The following ZNF133 variants were observed in gnomAD, a reference collection of about 807,000 sequenced individuals.
ZNF133 encodes the protein zinc finger protein 133.
In ZNF133, 26 loss-of-function variants were observed where a neutral mutation model predicts 54.9. The observed-to-expected ratio is 0.47, with a 90% CI of 0.35 to 0.66. The LOEUF (loss-of-function observed/expected upper bound fraction) is 0.66, where lower values mean the gene tolerates loss of function less well. Ranked by LOEUF, ZNF133 falls within the 30% of genes least tolerant of loss-of-function variation. ZNF133 has a pLI of 0.01. For missense variants in ZNF133, 653 were observed against 820.8 expected, an observed-to-expected ratio of 0.80 and a Z score of 2.50; for synonymous variants, 298 against 320.3, an observed-to-expected ratio of 0.93 and a Z score of 0.74.
At chr20:18,302,052 C>A (rs1165980280) in intron 3 of ZNF133, among the ~76,000 whole-genome samples, 19 of 152,124 alleles carry the variant, frequency 1.2e-4, no homozygotes, top group Admixed American at 1.2e-3. Context: ...GAATTATACA[C>A]CATGACCAAG....
chr20:18,292,111 C>A (rs1349133291), intron 1 of ZNF133, among the ~76,000 whole-genome samples: 4 of 152,200 alleles, frequency 2.6e-5, no homozygotes, highest in Admixed American at 6.5e-5. Flanking sequence ...AGTTTCCATG[C>A]CCTGCTGTTT....
intron 1 of ZNF133, among the ~76,000 whole-genome samples, chr20:18,297,251 G>T (rs1420265258): frequency 6.6e-6 from 1 of 151,714 alleles, no homozygotes; most frequent in Non-Finnish European, 1.5e-5. Flanking sequence ...ATTACTAAGT[G>T]CTCGTCATGT....
At chr20:18,309,296 T>C (rs986101910) in intron 6 of ZNF133, among the ~76,000 whole-genome samples, 3 of 152,176 alleles carry the variant, frequency 2.0e-5, no homozygotes, top group Non-Finnish European at 2.9e-5. Flanking sequence ...GAGAGCACCA[T>C]AGTGATTTCA....
chr20:18,289,179 C>G (rs1338134232), intron 1 of ZNF133, among the ~76,000 whole-genome samples: 1 of 152,152 alleles, frequency 6.6e-6, no homozygotes, highest in African/African-American at 2.4e-5. Flanking sequence ...GCCATTTTGC[C>G]GCGATCTTAG....
intron 6 of ZNF133, chr20:18,310,368 A>G (rs2045612967): frequency 6.8e-7 from 1 of 1,466,304 alleles, no homozygotes; most frequent in South Asian, 1.4e-5. Flanking sequence ...TAAGACAGGC[A>G]ATATCAGAAT....
At chr20:18,304,885 C>A in intron 3 of ZNF133, 123 bp from the exon 4 acceptor site, 1 of 615,184 alleles carries the variant, frequency 1.6e-6, no homozygotes, top group Non-Finnish European at 2.0e-6. Context: ...TGTCCTTGTC[C>A]CTGCTCCCCA....
In ZNF133 at chr20:18,305,079, T is replaced by G. The variant is rs1414724268; in HGVS notation, c.-106T>G. On this transcript the variant is annotated 5_prime_UTR_variant, in exon 4 of 7. It removes an upstream start codon present in the reference 5' UTR. Coordinates refer to ENST00000425686, the MANE Select transcript of ZNF133 (RefSeq NM_001352452.2). This position sits in a 1 kb window ranked among gnomAD's most constrained non-coding sequence, Gnocchi z 4.7. ...ACTGGGCAGGGGCATGAGAATAGGA[T>G]GCAAAGATGAATTTTTGGACTGAGT... The G allele has an allele frequency of 1.0e-6, 1 of 985,618 alleles. No homozygotes were observed. Among genetic ancestry groups the G allele is most frequent in the Non-Finnish European group, 1.2e-6 (1 of 830,118 alleles). The allele number at this position is 985,618 out of a possible 1,614,324, so 61.1% of individuals were successfully genotyped here. A position where few individuals can be genotyped will look rare whatever the true frequency, so the allele number is the denominator to read the frequency against.
chr20:18,297,305 C>T (rs534356220), intron 1 of ZNF133, among the ~76,000 whole-genome samples: 1 of 151,962 alleles, frequency 6.6e-6, no homozygotes, highest in East Asian at 1.9e-4. Context: ...ATAAGTTTGT[C>T]TTCATTTATC....
intron 1 of ZNF133, among the ~76,000 whole-genome samples, chr20:18,292,515 C>T (rs184516056): frequency 6.6e-6 from 1 of 152,304 alleles, no homozygotes; most frequent in African/African-American, 2.4e-5. Flanking sequence ...TCCCTGGGCT[C>T]TTCACATCCT....
intron 6 of ZNF133, chr20:18,306,732 GA>G: frequency 7.4e-7 from 1 of 1,345,880 alleles, no homozygotes; most frequent in Non-Finnish European, 9.8e-7. Context: ...AAACAACTGT[GA>G]CCTACAGAAA....
intron 6 of ZNF133, chr20:18,306,714 G>C: frequency 1.5e-6 from 2 of 1,351,172 alleles, no homozygotes; most frequent in Non-Finnish European, 2.0e-6. Flanking sequence ...AGATCATCAA[G>C]AATATGGAAA....
Position 18,316,345 on chromosome 20 carries a change from G to C in ZNF133, c.1494G>C (p.Glu498Asp), listed in dbSNP as rs778827865. 1 of 1,613,518 alleles carries C rather than the reference G, an allele frequency of 6.2e-7. No individual in the cohort carries two copies. The highest frequency in any genetic ancestry group is 1.1e-5 in the South Asian group (1 of 91,042). The change falls in exon 7 of 7, where the codon GAG (glutamate) becomes GAC (aspartate). Residue 498 changes from glutamate to aspartate, a missense_variant. Coordinates refer to ENST00000425686, the MANE Select transcript of ZNF133 (RefSeq NM_001352452.2). ...HSGEKPMVCGECGRGFSQKSN... is the reference protein window; with the variant it reads ...HSGEKPMVCGDCGRGFSQKSN... ...GCGAGAAGCCCATGGTGTGTGGGGA[G>C]TGCGGGCGAGGCTTCAGCCAGAAGT...
chr20:18,303,369 T>C (rs2147331930), intron 3 of ZNF133, among the ~76,000 whole-genome samples: 1 of 152,194 alleles, frequency 6.6e-6, no homozygotes, highest in East Asian at 1.9e-4. Flanking sequence ...GTTAAAATAA[T>C]AATACTACTC....
chr20:18,293,072 A>G (rs2041416474), intron 1 of ZNF133, among the ~76,000 whole-genome samples: 1 of 152,250 alleles, frequency 6.6e-6, no homozygotes. Flanking sequence ...TTATCAGGTA[A>G]GCTGAAAGAG....
chr20:18,306,800 G>C (rs1006360473), intron 6 of ZNF133: 1 of 1,224,508 alleles, frequency 8.2e-7, no homozygotes, highest in East Asian at 5.6e-5. Context: ...AATTGAAATG[G>C]AATTCTAAAA....
chr20:18,305,846 T>G lies in ZNF133; in HGVS notation c.121+39T>G. On this transcript the variant is annotated intron_variant, in intron 5 of 6. Transcript: ENST00000425686. The surrounding 1 kb of genome is among the most constrained non-coding windows in gnomAD (Gnocchi z 4.7). ...CTGTTAGGATTCCCATTCTTATTGCTGGGAATTTTAGGCTATGCTTGAAGC... is the reference window on the plus strand; with the variant it reads ...CTGTTAGGATTCCCATTCTTATTGCGGGGAATTTTAGGCTATGCTTGAAGC... 2 of 1,577,480 alleles carry G rather than the reference T, an allele frequency of 1.3e-6. No homozygotes were observed. The highest frequency in any genetic ancestry group is 1.7e-6 in the Non-Finnish European group (2 of 1,159,742).
chr20:18,289,146 A>G (rs2040311850), intron 1 of ZNF133, among the ~76,000 whole-genome samples: 1 of 152,070 alleles, frequency 6.6e-6, no homozygotes, highest in Admixed American at 6.5e-5. Flanking sequence ...CAAACAAGCC[A>G]AGGTTAGACT....
chr20:18,308,096 G>A (rs2045057700), intron 6 of ZNF133, among the ~76,000 whole-genome samples: 1 of 152,154 alleles, frequency 6.6e-6, no homozygotes, highest in African/African-American at 2.4e-5. Context: ...TGTGGGGATA[G>A]AATTGGGGAG....
chr20:18,306,843 A>AT, intron 6 of ZNF133: 5 of 1,041,646 alleles, frequency 4.8e-6, no homozygotes, highest in Non-Finnish European at 6.1e-6. Context: ...TGGCTTTTAC[A>AT]TTTTATAATG....
Sources: allele counts gnomAD v4.1 joint callset (sites outside exome capture counted in the v4.1 genomes callset), GRCh38; gene constraint gnomAD v4.1.1; non-coding constraint Gnocchi (gnomAD v3.1); transcripts MANE v1.5; gene names NCBI Gene and HGNC (gene_info 2026-07-23, HGNC 2026-07-21).